The following MAGI1 variants were observed in gnomAD, a reference collection of about 807,000 sequenced individuals.
MAGI1 encodes membrane associated guanylate kinase, WW and PDZ domain containing 1, also known as membrane-associated guanylate kinase, WW and PDZ domain-containing protein 1.
Under a neutral mutation model 139.9 loss-of-function variants are expected in MAGI1, and 58 were observed. The observed-to-expected ratio is 0.41, with a 90% confidence interval of 0.34 to 0.52. The LOEUF (loss-of-function observed/expected upper bound fraction) is 0.52, where lower values mean the gene tolerates loss of function less well. Ranked by LOEUF, MAGI1 falls within the 20% of genes least tolerant of loss-of-function variation. MAGI1 has a pLI of 0.12. For missense variants in MAGI1, 1,874 were observed against 1,901.6 expected (o/e 0.99, Z 0.27); for synonymous variants, 812 against 737.9 (o/e 1.10, Z -1.63).
intron 22 of MAGI1, chr3:65,360,813 A>G (rs570068755): frequency 8.5e-6 from 9 of 1,061,600 alleles, no homozygotes; most frequent in African/African-American, 1.7e-5. Context: ...GTGCCTCAAC[A>G]TATCACTCAG....
In MAGI1 at chr3:66,011,457, T is replaced by G. The variant is rs56156244; in HGVS notation, c.313+26539A>C. On this transcript the variant is annotated intron_variant, in intron 1 of 22. Coordinates refer to ENST00000402939, the MANE Select transcript of MAGI1 (RefSeq NM_001033057.2). ...CACAAACATACACCCCTATGTCATATGCCCACATGCAGTGAACACTATGCT... is the reference window on the plus strand; with the variant it reads ...CACAAACATACACCCCTATGTCATAGGCCCACATGCAGTGAACACTATGCT... Among the ~76,000 whole-genome samples, 1,021 of 152,280 alleles carry G rather than the reference T, an allele frequency of 6.7e-3. 19 individuals carry two copies. Among genetic ancestry groups the G allele is most frequent in the African/African-American group, 0.023 (958 of 41,564 alleles).
At chr3:65,826,950 C>T (rs17372614) in intron 1 of MAGI1, among the ~76,000 whole-genome samples, 59,237 of 152,038 alleles carry the variant, frequency 0.39, 13,117 homozygotes, top group East Asian at 0.71. Flanking sequence ...TCAGTTTCTC[C>T]TCATATTACC....
intron 2 of MAGI1, among the ~76,000 whole-genome samples, chr3:65,614,069 G>T (rs1230797187): frequency 1.3e-5 from 2 of 152,082 alleles, no homozygotes; most frequent in African/African-American, 2.4e-5. Flanking sequence ...TGAGTAACCT[G>T]CCCAAGCCAA....
chr3:65,668,386 G>A (rs1450738456), intron 1 of MAGI1, among the ~76,000 whole-genome samples: 1 of 152,022 alleles, frequency 6.6e-6, no homozygotes, highest in African/African-American at 2.4e-5. Context: ...CCCTGCCAGA[G>A]CCAGGTGTTA....
At chr3:65,804,163 A>G (rs907515534) in intron 1 of MAGI1, among the ~76,000 whole-genome samples, 1 of 152,142 alleles carries the variant, frequency 6.6e-6, no homozygotes, top group Non-Finnish European at 1.5e-5. Context: ...GCATCACACT[A>G]TTAGCTCCTC....
rs1255663474 is a variant in MAGI1, at chr3:65,973,567, A to C, written c.313+64429T>G. 5.3e-5 allele frequency among the ~76,000 whole-genome samples: 8 copies of C among 152,218 alleles called. No homozygotes were observed. The East Asian group carries it at 9.6e-4, about 18-fold the overall frequency. Reference sequence around the variant, plus strand: ...AGCATGGTACTGCATGTCACTACACAGCCATATAAACATATGCACAACAGA... The same window carrying C: ...AGCATGGTACTGCATGTCACTACACCGCCATATAAACATATGCACAACAGA... On this transcript the variant is annotated intron_variant, in intron 1 of 22. Transcript: ENST00000402939.
At chr3:65,496,738 G>A (rs1199210350) in intron 2 of MAGI1, among the ~76,000 whole-genome samples, 1 of 152,144 alleles carries the variant, frequency 6.6e-6, no homozygotes, top group East Asian at 1.9e-4. Flanking sequence ...CAAAGATCAG[G>A]TGCAGCAAAC....
chr3:65,446,964 T>C (rs1166307028), intron 7 of MAGI1, among the ~76,000 whole-genome samples: 1 of 152,218 alleles, frequency 6.6e-6, no homozygotes, highest in Non-Finnish European at 1.5e-5. Context: ...CCATGACTGA[T>C]TATCTTTATC....
At chr3:65,740,343 T>G (rs2035154189) in intron 1 of MAGI1, among the ~76,000 whole-genome samples, 2 of 152,208 alleles carry the variant, frequency 1.3e-5, no homozygotes, top group Non-Finnish European at 2.9e-5. Flanking sequence ...CCTAGGAGGT[T>G]AGTATAATTA....
At chr3:65,932,456 A>G (rs922974426) in intron 1 of MAGI1, among the ~76,000 whole-genome samples, 1 of 152,146 alleles carries the variant, frequency 6.6e-6, no homozygotes, top group East Asian at 1.9e-4. Context: ...TCTGCCCCCT[A>G]GGTTTCTTCT....
chr3:65,691,097 T>C (rs2088589816), intron 1 of MAGI1, among the ~76,000 whole-genome samples: 1 of 151,684 alleles, frequency 6.6e-6, no homozygotes. Flanking sequence ...GGTCAGGAGA[T>C]TGAGACCATC....
intron 2 of MAGI1, among the ~76,000 whole-genome samples, chr3:65,578,828 C>A (rs373160400): frequency 6.6e-6 from 1 of 151,750 alleles, no homozygotes. Context: ...GGCTGAGGCA[C>A]GACAATCACT....
chr3:65,416,239 A>T (rs1434209769), intron 12 of MAGI1, among the ~76,000 whole-genome samples: 1 of 152,166 alleles, frequency 6.6e-6, no homozygotes, highest in Non-Finnish European at 1.5e-5. Flanking sequence ...CCTAATTAAA[A>T]ACTCAGGTTG....
In MAGI1 at chr3:65,353,911, C is replaced by A. The variant is rs1489462629; in HGVS notation, c.*2467G>T. ...TCTGATGTGTGGAATTCAGGTGAAA[C>A]TGCCACACCAAAAAGTCCACGGATT... On this transcript the variant is annotated 3_prime_UTR_variant, in exon 23 of 23. Coordinates refer to ENST00000402939, the MANE Select transcript of MAGI1 (RefSeq NM_001033057.2). 4 of 152,226 alleles carry A rather than the reference C, an allele frequency of 2.6e-5. No individual in the cohort carries two copies. Among genetic ancestry groups the A allele is most frequent in the African/African-American group, 4.8e-5 (2 of 41,452 alleles). The allele number at this position is 152,226 out of a possible 1,614,324, so 9.4% of individuals were successfully genotyped here.
At chr3:65,923,264 C>T (rs2062317842) in intron 1 of MAGI1, among the ~76,000 whole-genome samples, 1 of 137,894 alleles carries the variant, frequency 7.3e-6, no homozygotes, top group Non-Finnish European at 1.5e-5. Context: ...CTCGCTCTGT[C>T]ACCCAGGCTG....
At chr3:65,490,006 G>A (rs1951891422) in intron 3 of MAGI1, among the ~76,000 whole-genome samples, 1 of 152,124 alleles carries the variant, frequency 6.6e-6, no homozygotes, top group Admixed American at 6.5e-5. Context: ...TTTCAGGAGG[G>A]GAAAAAAGAT....
At chr3:65,587,400 T>C (rs765084121) in intron 2 of MAGI1, among the ~76,000 whole-genome samples, 1 of 152,052 alleles carries the variant, frequency 6.6e-6, no homozygotes, top group Non-Finnish European at 1.5e-5. Context: ...AACAGAACAG[T>C]TGTGTGGATA....
intron 1 of MAGI1, among the ~76,000 whole-genome samples, chr3:65,676,316 A>G (rs2087186319): frequency 6.6e-6 from 1 of 152,188 alleles, no homozygotes; most frequent in African/African-American, 2.4e-5. Context: ...AAAAGCCATG[A>G]CATGTACACA....
intron 1 of MAGI1, among the ~76,000 whole-genome samples, chr3:65,989,287 G>A (rs62243803): frequency 5.9e-5 from 9 of 152,200 alleles, no homozygotes; most frequent in Non-Finnish European, 8.8e-5. Flanking sequence ...TCTCAGCTCA[G>A]TGTTTTTAAA....
Sources: gnomAD v4.1 joint callset for allele counts (sites outside exome capture counted in the v4.1 genomes callset) on GRCh38, gnomAD v4.1.1 for gene constraint, MANE v1.5 for transcripts, NCBI Gene and HGNC (gene_info 2026-07-23, HGNC 2026-07-21) for gene names.